The following ZNF483 variants were observed in gnomAD, a reference collection of about 807,000 sequenced individuals.
ZNF483 encodes zinc finger protein 483.
In ZNF483, 9 loss-of-function variants were observed where a neutral mutation model predicts 28.6. That is an observed-to-expected ratio of 0.32 (90% CI 0.19 to 0.55). The LOEUF (loss-of-function observed/expected upper bound fraction) is 0.55. ZNF483 is among the 20% of genes least tolerant of loss of function. ZNF483 has a pLI of 0.93. For missense variants in ZNF483, 675 were observed against 871.7 expected, an observed-to-expected ratio of 0.77 and a Z score of 2.84; for synonymous variants, 322 against 306.2, an observed-to-expected ratio of 1.05 and a Z score of -0.54.
At position 111,555,265 on chromosome 9, in the gene ZNF483, A is replaced by G. The variant is rs939829193; in HGVS notation, c.*12095A>G. ...CCTGTGGGAATTGTGGTGAATTGATAATCACCTGGCAAAATAAGGTAGGAG... is the reference window on the plus strand; with the variant it reads ...CCTGTGGGAATTGTGGTGAATTGATGATCACCTGGCAAAATAAGGTAGGAG... On this transcript the variant is annotated 3_prime_UTR_variant, in exon 6 of 6. Transcript: ENST00000309235. Among the ~76,000 whole-genome samples, 3 of 152,174 alleles carry G rather than the reference A, an allele frequency of 2.0e-5. No individual in the cohort carries two copies. The highest frequency in any genetic ancestry group is 2.9e-5 in the Non-Finnish European group (2 of 68,034).
rs1395707532 is a variant in ZNF483 at position 111,528,222 on chromosome 9, TGTGA to T, written c.412+419_412+422del. 2.0e-5 allele frequency among the ~76,000 whole-genome samples: 3 copies of T among 152,230 alleles called. No homozygotes were observed. The East Asian group carries it at 5.8e-4, about 29-fold the overall frequency. On this transcript the variant is annotated intron_variant, in intron 2 of 5. Transcript: ENST00000309235. ...GACTAGCACGTTGCTAGAGGGTGGC[TGTGA>T]GTGTCTTTGCTGATGGAAATGTTTC...
chr9:111,563,245 A>AC lies in ZNF483; in HGVS notation c.722-13119dup, dbSNP rs572132337. ...CTGGATTTTACCCTGTATCAAAGCA[A>AC]CAACAAATTTTAAAACTTAATTTAA... On this transcript the variant is annotated intron_variant, in intron 5 of 5. Transcript: ENST00000358151. 8.0e-5 allele frequency: 128 copies of AC among 1,605,444 alleles called. No individual in the cohort carries two copies. In the African/African-American group the frequency reaches 1.5e-3, roughly 18 times the overall value.
At chr9:111,537,882 C>T (rs547740862) in intron 5 of ZNF483, among the ~76,000 whole-genome samples, 8 of 152,028 alleles carry the variant, frequency 5.3e-5, no homozygotes, top group Non-Finnish European at 8.8e-5. Context: ...TTGCCTTGGC[C>T]TCCCAAAGTG....
At chr9:111,562,874 C>A in intron 5 of ZNF483, 1 of 1,147,316 alleles carries the variant, frequency 8.7e-7, no homozygotes, top group Non-Finnish European at 1.1e-6. Flanking sequence ...CACTTCAAAG[C>A]CATTATTTTC....
At chr9:111,527,965 C>A in intron 2 of ZNF483, 158 bp downstream of exon 2, 1 of 1,525,468 alleles carries the variant, frequency 6.6e-7, no homozygotes, top group South Asian at 1.2e-5. Context: ...TGATTTTGGG[C>A]AAGCTGTGTA....
intron 5 of ZNF483, among the ~76,000 whole-genome samples, chr9:111,537,808 G>A (rs1172335903): frequency 2.0e-5 from 3 of 152,012 alleles, no homozygotes; most frequent in Admixed American, 2.0e-4. Context: ...TGTATTTTTT[G>A]TAGAGAGAGA....
chr9:111,533,940 T>G, intron 4 of ZNF483, 75 bp downstream of exon 4: 1 of 1,549,578 alleles, frequency 6.5e-7, no homozygotes, highest in Non-Finnish European at 8.7e-7. Flanking sequence ...GAAAGGTAAG[T>G]GCTGTGTGAA....
chr9:111,577,136 A>AT (rs1006988138), exon 6 of ZNF483: 2 of 152,194 alleles, frequency 1.3e-5, no homozygotes, highest in African/African-American at 4.8e-5. Context: ...TAGTTCAAAA[A>AT]TGGGCAAAGA....
rs904410245 is a variant in ZNF483 at position 111,554,438 on chromosome 9, T to G, written c.*11268T>G. Among the ~76,000 whole-genome samples the G allele has an allele frequency of 6.6e-6, 1 of 152,202 alleles. No homozygotes were observed. The highest frequency in any genetic ancestry group is 2.4e-5 in the African/African-American group (1 of 41,440). ...ATTATTTCTACCACAGTCTGTTCTT[T>G]CGGTCACCAAACTCTTTCTTCCCAC... On this transcript the variant is annotated 3_prime_UTR_variant, in exon 6 of 6. Coordinates refer to ENST00000309235, the MANE Select transcript of ZNF483 (RefSeq NM_133464.5).
At chr9:111,558,259 G>A (rs1418919970), downstream of ZNF483, among the ~76,000 whole-genome samples, 1 of 152,154 alleles carries the variant, frequency 6.6e-6, no homozygotes, top group East Asian at 1.9e-4. Flanking sequence ...TATATAATCT[G>A]TAATTATCAT....
chr9:111,576,235 T>G, intron 5 of ZNF483: 1 of 839,976 alleles, frequency 1.2e-6, no homozygotes, highest in Non-Finnish European at 1.8e-6. Context: ...TAGGAAAAAA[T>G]ATTTGCAAGC....
downstream of ZNF483, among the ~76,000 whole-genome samples, chr9:111,555,600 C>T (rs1828099312): frequency 6.6e-6 from 1 of 152,146 alleles, no homozygotes; most frequent in Non-Finnish European, 1.5e-5. Flanking sequence ...GCTGGGAGGC[C>T]TCAGGAACTT....
rs1828027870 is a variant in ZNF483 at position 111,553,367 on chromosome 9, A to G, written c.*10197A>G. 6.6e-6 allele frequency among the ~76,000 whole-genome samples: 1 copy of G among 152,188 alleles called. No individual in the cohort carries two copies. The highest frequency in any genetic ancestry group is 6.5e-5 in the Admixed American group (1 of 15,288). On this transcript the variant is annotated 3_prime_UTR_variant, in exon 6 of 6. Transcript: ENST00000309235. ...ATATGCCTTTGTTTAAAATTTAAAT[A>G]TTTTTTCATTTTTTTAACCTAGAAA...
chr9:111,561,102 T>TAGAGAG (rs1448011286), intron 5 of ZNF483, among the ~76,000 whole-genome samples: 3 of 29,338 alleles, frequency 1.0e-4, no homozygotes, highest in African/African-American at 5.6e-4. Flanking sequence ...TATATATATA[T>TAGAGAG]ATATATATAG....
At chr9:111,532,971 T>G (rs958041822) in intron 3 of ZNF483, among the ~76,000 whole-genome samples, 23 of 152,216 alleles carry the variant, frequency 1.5e-4, no homozygotes, top group Non-Finnish European at 1.6e-4. Context: ...TGTTTGTAAT[T>G]GTGAAGTAAT....
At position 111,547,277 on chromosome 9, in the gene ZNF483, G is replaced by A. The variant is rs771343419; in HGVS notation, c.*4107G>A. Among the ~76,000 whole-genome samples, 27 of 152,176 alleles carry A rather than the reference G, an allele frequency of 1.8e-4. No homozygotes were observed. The highest frequency in any genetic ancestry group is 3.4e-3 in the Middle Eastern group (1 of 294). ...AAATTCCCACCAGCTATGTACAAGG[G>A]TTTCAGTATCCCCGCCCTTGCTAAC... is the stretch of plus-strand genomic sequence containing the variant. On this transcript the variant is annotated 3_prime_UTR_variant, in exon 6 of 6. Transcript: ENST00000309235.
At chr9:111,571,703 C>G (rs980477005) in intron 5 of ZNF483, among the ~76,000 whole-genome samples, 1 of 152,058 alleles carries the variant, frequency 6.6e-6, no homozygotes, top group Admixed American at 6.6e-5. Context: ...GAGATGAGGT[C>G]TTACTCTATT....
In ZNF483 at chr9:111,543,020, T is replaced by C. The variant is rs758977719; in HGVS notation, c.2085T>C (p.Tyr695=). The part of the protein sequence containing the change: ...HTGEKPYECN[Y]CGATFSRSSI... ...GAGAGAAACCCTATGAGTGTAACTATTGTGGTGCAACCTTTAGTCGAAGCT... is the reference window on the plus strand; with the variant it reads ...GAGAGAAACCCTATGAGTGTAACTACTGTGGTGCAACCTTTAGTCGAAGCT... Residue 695 remains tyrosine, a synonymous_variant, in exon 6 of 6, where the codon TAT becomes TAC. Coordinates refer to ENST00000309235, the MANE Select transcript of ZNF483 (RefSeq NM_133464.5). 17 of 1,614,178 alleles carry C rather than the reference T, an allele frequency of 1.1e-5. No homozygotes were observed. In the Admixed American group the frequency reaches 2.3e-4, roughly 22 times the overall value.
intron 3 of ZNF483, among the ~76,000 whole-genome samples, chr9:111,531,378 CT>C (rs1033963545): frequency 6.6e-6 from 1 of 151,412 alleles, no homozygotes; most frequent in African/African-American, 2.4e-5. Flanking sequence ...TCATTTCCTT[CT>C]TTTTTTTTCT....
Sources: gnomAD v4.1 joint callset for allele counts (sites outside exome capture counted in the v4.1 genomes callset) on GRCh38, gnomAD v4.1.1 for gene constraint, MANE v1.5 for transcripts, NCBI Gene and HGNC (gene_info 2026-07-23, HGNC 2026-07-21) for gene names.